ELFN2: variants seen among roughly 807,000 people sequenced by gnomAD.
The protein encoded by ELFN2 is extracellular leucine rich repeat and fibronectin type III domain containing 2, also known as protein phosphatase 1 regulatory subunit 29.
ELFN2 carries 17 observed loss-of-function variants against 45.5 expected under a neutral mutation model. The observed-to-expected ratio is 0.37, with a 90% CI of 0.26 to 0.56. The LOEUF is 0.56. ELFN2 is among the 20% of genes least tolerant of loss of function. The pLI is 0.77. For missense variants in ELFN2, 922 were observed against 1,183.2 expected, an observed-to-expected ratio of 0.78 and a Z score of 3.24; for synonymous variants, 550 against 551.5, an observed-to-expected ratio of 1.00 and a Z score of 0.04.
chr22:37,343,699 G>T (rs1327232004), intron 1 of ELFN2, among the ~76,000 whole-genome samples: 1 of 147,406 alleles, frequency 6.8e-6, no homozygotes, highest in Non-Finnish European at 1.5e-5. Flanking sequence ...CCACCCCTTG[G>T]CTCCCAGACC....
chr22:37,404,548 C>T (rs778069817), intron 2 of ELFN2, among the ~76,000 whole-genome samples: 1 of 152,060 alleles, frequency 6.6e-6, no homozygotes, highest in Admixed American at 6.6e-5. Context: ...GCCAGTTGAG[C>T]TTTAGGGGTC....
intron 2 of ELFN2, chr22:37,341,058 G>A (rs1295080951): frequency 6.6e-6 from 1 of 152,658 alleles, no homozygotes; most frequent in African/African-American, 2.4e-5. Context: ...GAGGGATAAA[G>A]AGGGATGGAG....
intron 1 of ELFN2, among the ~76,000 whole-genome samples, chr22:37,347,478 C>G (rs575040651): frequency 6.6e-6 from 1 of 152,330 alleles, no homozygotes; most frequent in East Asian, 1.9e-4. Context: ...CGTGGAAGCA[C>G]CTCTGCATTC....
At position 37,370,617 on chromosome 22, in the gene ELFN2, AGAGG is replaced by A; in HGVS notation, c.*2451_*2454del. ...GGGGACAAGGGAGGTGGCAGTGGAGAGAGGGAGGGAGGAAGGGAGGTGGCACATG... is the reference window on the plus strand; with the variant it reads ...GGGGACAAGGGAGGTGGCAGTGGAGAGAGGGAGGAAGGGAGGTGGCACATG... On this transcript the variant is annotated 3_prime_UTR_variant, in exon 3 of 3. Transcript: ENST00000402918. 6.6e-6 allele frequency: 1 copy of A among 152,400 alleles called. No homozygotes were observed. The highest frequency in any genetic ancestry group is 1.5e-5 in the Non-Finnish European group (1 of 68,108). The allele number at this position is 152,400 out of a possible 1,614,324, so 9.4% of individuals were successfully genotyped here. A position where few individuals can be genotyped will look rare whatever the true frequency, so the allele number is the denominator to read the frequency against.
At chr22:37,383,338 C>T (rs1038838040) in intron 2 of ELFN2, among the ~76,000 whole-genome samples, 4 of 152,210 alleles carry the variant, frequency 2.6e-5, no homozygotes, top group Non-Finnish European at 4.4e-5. Flanking sequence ...GCCAGGCAGC[C>T]CTGGTGCCCT....
Position 37,375,874 on chromosome 22 carries a change from T to G in ELFN2, c.-340A>C. 1.3e-4 allele frequency: 44 copies of G among 339,312 alleles called. No individual in the cohort carries two copies. The highest frequency in any genetic ancestry group is 3.9e-4 in the East Asian group (6 of 15,194). The allele number at this position is 339,312 out of a possible 1,614,324, so 21.0% of individuals were successfully genotyped here. On this transcript the variant is annotated 5_prime_UTR_variant, in exon 3 of 3. Transcript: ENST00000402918. The stretch of plus-strand genomic sequence containing the variant: ...CCTCCTCCTCCTCCTCCTCCTCGTC[T>G]TCCTCCTTGGCTTCCGGGCTCAGAA...
At position 37,375,106 on chromosome 22, in the gene ELFN2, C is replaced by A; in HGVS notation, c.429G>T (p.Thr143=). Residue 143 remains threonine, a synonymous_variant, in exon 3 of 3, where the codon ACG becomes ACT. Transcript: ENST00000402918. ...FVQHNLIEVV[T]PTAFSECPSL... ...TCGGGCACTCGGAGAAGGCGGTGGG[C>A]GTCACCACCTCGATGAGGTTGTGCT... is the stretch of plus-strand genomic sequence containing the variant. 6.2e-7 allele frequency: 1 copy of A among 1,613,670 alleles called. No homozygotes were observed. Among genetic ancestry groups the A allele is most frequent in the Middle Eastern group, 1.6e-4 (1 of 6,062 alleles).
intron 2 of ELFN2, among the ~76,000 whole-genome samples, chr22:37,386,580 G>C (rs1931952635): frequency 6.6e-6 from 1 of 152,216 alleles, no homozygotes; most frequent in Non-Finnish European, 1.5e-5. Flanking sequence ...CAGAGGAGGT[G>C]GGAGGGTCCA....
intron 1 of ELFN2, among the ~76,000 whole-genome samples, chr22:37,348,223 G>GA (rs1300673157): frequency 6.6e-6 from 1 of 152,242 alleles, no homozygotes; most frequent in African/African-American, 2.4e-5. Flanking sequence ...TCATGCTGGG[G>GA]AAGGAGGAGA....
In ELFN2 at chr22:37,372,732, C is replaced by T. The variant is rs961768712; in HGVS notation, c.*340G>A. On this transcript the variant is annotated 3_prime_UTR_variant, in exon 3 of 3. Coordinates refer to ENST00000402918, the MANE Select transcript of ELFN2 (RefSeq NM_052906.5). This position sits in a 1 kb window ranked among gnomAD's most constrained non-coding sequence, Gnocchi z 4.4. ...CTAGCCCCAGACCCCCCAGACCCCA[C>T]ACCCTCTCTTGGCTTCCTTCCTCCC... The T allele has an allele frequency of 8.7e-5, 18 of 206,364 alleles. No homozygotes were observed. Among genetic ancestry groups the T allele is most frequent in the African/African-American group, 1.2e-4 (5 of 42,694 alleles). The allele number at this position is 206,364 out of a possible 1,614,324, so 12.8% of individuals were successfully genotyped here. A position where few individuals can be genotyped will look rare whatever the true frequency, so the allele number is the denominator to read the frequency against.
intron 1 of ELFN2, among the ~76,000 whole-genome samples, chr22:37,419,751 C>T (rs569791074): frequency 2.0e-5 from 3 of 152,320 alleles, no homozygotes. Flanking sequence ...GCCAACACAC[C>T]CCCAGCACAG....
intron 2 of ELFN2, among the ~76,000 whole-genome samples, chr22:37,410,834 G>T (rs1029641815): frequency 6.6e-6 from 1 of 152,168 alleles, no homozygotes; most frequent in African/African-American, 2.4e-5. Context: ...AAAGCCCATC[G>T]GCTCCTTCCA....
At chr22:37,357,289 A>T (rs941071343) in intron 1 of ELFN2, among the ~76,000 whole-genome samples, 38 of 152,174 alleles carry the variant, frequency 2.5e-4, no homozygotes, top group African/African-American at 9.2e-4. Context: ...CTCACGCTAG[A>T]CGGGAGGTTG....
At chr22:37,412,709 C>T (rs571947551) in intron 2 of ELFN2, among the ~76,000 whole-genome samples, 27 of 152,368 alleles carry the variant, frequency 1.8e-4, no homozygotes, top group Middle Eastern at 3.4e-3. Context: ...GGGACAACCA[C>T]GCACAAGGCC....
chr22:37,425,314 C>A (rs957179441), intron 1 of ELFN2, among the ~76,000 whole-genome samples: 3 of 152,166 alleles, frequency 2.0e-5, no homozygotes, highest in African/African-American at 7.2e-5. Context: ...GAACCTCCTT[C>A]GGGGGTTCCA....
chr22:37,348,168 T>G (rs527909977), intron 1 of ELFN2, among the ~76,000 whole-genome samples: 12 of 152,346 alleles, frequency 7.9e-5, no homozygotes, highest in African/African-American at 2.6e-4. Flanking sequence ...ACGTTGAGGC[T>G]GGAAGTTCAC....
intron 2 of ELFN2, among the ~76,000 whole-genome samples, chr22:37,407,142 T>A (rs998389186): frequency 6.6e-6 from 1 of 152,134 alleles, no homozygotes; most frequent in Admixed American, 6.5e-5. Context: ...TGCGTGTGTG[T>A]GTGTGTCGTA....
chr22:37,354,379 T>C (rs1426324540), intron 1 of ELFN2: 3 of 152,216 alleles, frequency 2.0e-5, no homozygotes. Context: ...CACGTATATA[T>C]TCACTTCAGT....
Position 37,382,541 on chromosome 22 carries a change from C to CT in ELFN2, c.-462-6546dup, listed in dbSNP as rs1241322092. 1.7e-3 allele frequency among the ~76,000 whole-genome samples: 153 copies of CT among 90,922 alleles called. 1 individual carries two copies. Among genetic ancestry groups the CT allele is most frequent in the East Asian group, 3.7e-3 (13 of 3,492 alleles). 59.6% of individuals were successfully genotyped at this position (90,922 alleles called of 152,430 possible). On this transcript the variant is annotated intron_variant, in intron 2 of 2. Coordinates refer to ENST00000402918, the MANE Select transcript of ELFN2 (RefSeq NM_052906.5). ...TATAGGCGTGAGCCACCACGCTGGCCTTTTTTTTTTTTTTTTTTTTTAAAA... is the reference window on the plus strand; with the variant it reads ...TATAGGCGTGAGCCACCACGCTGGCCTTTTTTTTTTTTTTTTTTTTTTAAAA...
Sources: allele counts gnomAD v4.1 joint callset (sites outside exome capture counted in the v4.1 genomes callset), GRCh38; gene constraint gnomAD v4.1.1; non-coding constraint Gnocchi (gnomAD v3.1); transcripts MANE v1.5; gene names NCBI Gene and HGNC (gene_info 2026-07-23, HGNC 2026-07-21).